ADGRB3: variants seen among roughly 807,000 people sequenced by gnomAD.
ADGRB3 encodes adhesion G protein-coupled receptor B3.
A neutral mutation model predicts 193.4 loss-of-function variants in ADGRB3; 37 were observed. The ratio of observed to expected loss-of-function variants is 0.19; its 90% CI spans 0.15 to 0.25. The LOEUF (loss-of-function observed/expected upper bound fraction) is 0.25. ADGRB3 is among the 10% of genes least tolerant of loss of function. The probability of loss-of-function intolerance (pLI) is 1.00; values close to 1 mark genes in which losing one functional copy is unlikely to be tolerated. For missense variants in ADGRB3, 1,637 were observed against 1,852.9 expected, an observed-to-expected ratio of 0.88 and a Z score of 2.14; for synonymous variants, 690 against 644.2, an observed-to-expected ratio of 1.07 and a Z score of -1.08.
intron 15 of ADGRB3, among the ~76,000 whole-genome samples, chr6:69,051,185 A>T (rs1771382365): frequency 1.3e-5 from 2 of 152,174 alleles, no homozygotes; most frequent in Non-Finnish European, 2.9e-5. Flanking sequence ...TAATGGATAC[A>T]TTATGGATGA....
chr6:68,703,809 G>T (rs762023300), intron 3 of ADGRB3, among the ~76,000 whole-genome samples: 15 of 152,108 alleles, frequency 9.9e-5, no homozygotes, highest in Non-Finnish European at 1.8e-4. Context: ...TTTTAGTAGA[G>T]ACGGGGTTTC....
intron 17 of ADGRB3, among the ~76,000 whole-genome samples, chr6:69,198,359 C>A (rs544151597): frequency 1.7e-4 from 26 of 151,918 alleles, no homozygotes; most frequent in African/African-American, 5.3e-4. Flanking sequence ...CCCACTCTCA[C>A]GATTTTATAT....
intron 3 of ADGRB3, among the ~76,000 whole-genome samples, chr6:68,899,369 C>T (rs1766329294): frequency 6.6e-6 from 1 of 151,606 alleles, no homozygotes; most frequent in South Asian, 2.1e-4. Context: ...TATACATGTG[C>T]CATGCTGGTG....
chr6:69,132,074 C>T (rs1414278673), intron 17 of ADGRB3, among the ~76,000 whole-genome samples: 3 of 152,126 alleles, frequency 2.0e-5, no homozygotes, highest in African/African-American at 7.2e-5. Context: ...GTGAACAGTG[C>T]TGCAATAAAC....
At chr6:69,083,489 A>T (rs1263798132) in intron 17 of ADGRB3, among the ~76,000 whole-genome samples, 1 of 152,128 alleles carries the variant, frequency 6.6e-6, no homozygotes, top group Non-Finnish European at 1.5e-5. Flanking sequence ...CTTTTTTATG[A>T]GACTTAGATG....
At chr6:68,670,931 TC>T (rs1466630047) in intron 3 of ADGRB3, among the ~76,000 whole-genome samples, 4 of 152,158 alleles carry the variant, frequency 2.6e-5, no homozygotes, top group African/African-American at 9.6e-5. Flanking sequence ...CTCTTTAATT[TC>T]TTTCATCAAT....
chr6:69,218,680 T>C (rs544510531), intron 17 of ADGRB3, among the ~76,000 whole-genome samples: 2 of 152,238 alleles, frequency 1.3e-5, no homozygotes, highest in African/African-American at 4.8e-5. Flanking sequence ...ATAGGAGGCT[T>C]TGTTCTGCAA....
At chr6:69,069,698 T>C (rs1287970383) in intron 16 of ADGRB3, among the ~76,000 whole-genome samples, 2 of 132,576 alleles carry the variant, frequency 1.5e-5, no homozygotes, top group Non-Finnish European at 3.1e-5. Context: ...GCCACTGCAC[T>C]CCAGGCTGGG....
chr6:68,896,796 A>C (rs1041721478), intron 3 of ADGRB3, among the ~76,000 whole-genome samples: 3 of 152,140 alleles, frequency 2.0e-5, no homozygotes, highest in African/African-American at 7.2e-5. Flanking sequence ...ATACCTGTCT[A>C]CTGGGCTAGA....
intron 3 of ADGRB3, among the ~76,000 whole-genome samples, chr6:68,913,007 G>A (rs1562083315): frequency 6.6e-6 from 1 of 152,216 alleles, no homozygotes; most frequent in African/African-American, 2.4e-5. Context: ...CGAGGCTGGG[G>A]GAGGGGCACC....
At chr6:69,294,152 T>G (rs1450121579) in intron 20 of ADGRB3, among the ~76,000 whole-genome samples, 1 of 151,718 alleles carries the variant, frequency 6.6e-6, no homozygotes, top group Non-Finnish European at 1.5e-5. Flanking sequence ...TTTTCTTGAC[T>G]GTATTCTGAT....
intron 3 of ADGRB3, among the ~76,000 whole-genome samples, chr6:68,771,437 T>C (rs1481611353): frequency 1.3e-5 from 2 of 151,964 alleles, no homozygotes; most frequent in African/African-American, 4.8e-5. Context: ...CACATACATA[T>C]GTTTGCTCAT....
chr6:69,205,362 A>T (rs1765515501), intron 17 of ADGRB3, among the ~76,000 whole-genome samples: 1 of 151,462 alleles, frequency 6.6e-6, no homozygotes, highest in African/African-American at 2.4e-5. Flanking sequence ...TGAGACTGCC[A>T]CTGATATTGT....
intron 3 of ADGRB3, among the ~76,000 whole-genome samples, chr6:68,913,295 C>A (rs1473582907): frequency 1.3e-5 from 2 of 152,074 alleles, no homozygotes; most frequent in African/African-American, 2.4e-5. Context: ...AGGCACCCCC[C>A]AGTAAGGGCA....
At chr6:69,297,242 A>C (rs779465310) in intron 20 of ADGRB3, among the ~76,000 whole-genome samples, 1 of 152,034 alleles carries the variant, frequency 6.6e-6, no homozygotes. Context: ...TATCAGCCCA[A>C]TAAATGCTAA....
At chr6:69,239,578 T>C (rs575590423) in intron 20 of ADGRB3, among the ~76,000 whole-genome samples, 3 of 152,116 alleles carry the variant, frequency 2.0e-5, no homozygotes, top group Admixed American at 6.5e-5. Flanking sequence ...TAGAAGGCTT[T>C]TGTTTTGGTC....
At chr6:69,133,227 T>C (rs1774061932) in intron 17 of ADGRB3, among the ~76,000 whole-genome samples, 1 of 152,212 alleles carries the variant, frequency 6.6e-6, no homozygotes, top group African/African-American at 2.4e-5. Flanking sequence ...TATGGCCATT[T>C]TCATGATATT....
intron 3 of ADGRB3, among the ~76,000 whole-genome samples, chr6:68,705,163 C>T (rs541597493): frequency 2.6e-4 from 40 of 152,286 alleles, no homozygotes; most frequent in African/African-American, 9.1e-4. Context: ...GCTCATTACC[C>T]TAAACATGAA....
At chr6:68,765,543 C>CAA (rs1766493058) in intron 3 of ADGRB3, among the ~76,000 whole-genome samples, 2 of 150,222 alleles carry the variant, frequency 1.3e-5, no homozygotes, top group Non-Finnish European at 3.0e-5. Context: ...TATAGACACA[C>CAA]ACACACACAC....
Sources: allele counts gnomAD v4.1 joint callset (sites outside exome capture counted in the v4.1 genomes callset), GRCh38; gene constraint gnomAD v4.1.1; transcripts MANE v1.5; gene names NCBI Gene and HGNC (gene_info 2026-07-23, HGNC 2026-07-21).